SLC9B1: variants seen among roughly 807,000 people sequenced by gnomAD.
SLC9B1 encodes sodium/hydrogen exchanger 9B1.
Under a neutral mutation model 51.7 loss-of-function variants are expected in SLC9B1, and 32 were observed. That is an observed-to-expected ratio of 0.62 (90% CI 0.47 to 0.83). The LOEUF (loss-of-function observed/expected upper bound fraction) is 0.83. Among genes scored for constraint, SLC9B1 ranks in the 40% least tolerant of loss-of-function variants. SLC9B1 has a pLI of 0.00. For missense variants in SLC9B1, 406 were observed against 613.2 expected (o/e 0.66, Z 3.57); for synonymous variants, 145 against 212.7 (o/e 0.68, Z 2.77).
chr4:102,886,540 T>C (rs1733927292), intron 11 of SLC9B1, among the ~76,000 whole-genome samples: 1 of 152,050 alleles, frequency 6.6e-6, no homozygotes, highest in African/African-American at 2.4e-5. Flanking sequence ...GGAAAAAATA[T>C]ACCAAACTGT....
chr4:103,017,777 A>G (rs1223168411), intron 1 of SLC9B1, among the ~76,000 whole-genome samples: 2 of 152,070 alleles, frequency 1.3e-5, no homozygotes, highest in African/African-American at 2.4e-5. Flanking sequence ...TCTATCTTAC[A>G]CTCACTAGAA....
chr4:102,910,477 A>G lies in SLC9B1; in HGVS notation c.1048T>C (p.Leu350=). 6.4e-7 allele frequency: 1 copy of G among 1,562,578 alleles called. No homozygotes were observed. Among genetic ancestry groups the G allele is most frequent in the Non-Finnish European group, 8.6e-7 (1 of 1,160,686 alleles). The change falls in exon 9 of 12, where the codon TTG becomes CTG. Residue 350 remains leucine (L), a synonymous_variant. Transcript: ENST00000296422. ...HGSGGLCTLV[L]SFIAGTKWSQ... ...CATTTTGTCCCTGCAATGAAACTCA[A>G]CACTAGTGTGCATAATCCTCCAGAT...
At chr4:102,939,177 A>C (rs183567978) in intron 6 of SLC9B1, among the ~76,000 whole-genome samples, 3 of 151,808 alleles carry the variant, frequency 2.0e-5, no homozygotes, top group Non-Finnish European at 4.4e-5. Context: ...GATCCAAAAA[A>C]CACAATCAGA....
At chr4:102,971,333 C>T (rs1738750176) in intron 3 of SLC9B1, among the ~76,000 whole-genome samples, 1 of 152,140 alleles carries the variant, frequency 6.6e-6, no homozygotes, top group South Asian at 2.1e-4. Context: ...GAATAAGAAA[C>T]TCACTCAAAA....
At position 102,923,484 on chromosome 4, in the gene SLC9B1, T is replaced by C. The variant is rs191543380; in HGVS notation, c.829+8640A>G. The stretch of plus-strand genomic sequence containing the variant: ...CTGAATGGACAATAACTGGAAGCAT[T>C]CCCTTTGAAAACTGGCACAATACAA... On this transcript the variant is annotated intron_variant, in intron 7 of 11. Coordinates refer to ENST00000296422, the MANE Select transcript of SLC9B1 (RefSeq NM_139173.4). 1.9e-3 allele frequency among the ~76,000 whole-genome samples: 283 copies of C among 152,254 alleles called. 5 individuals are homozygous for C. Among genetic ancestry groups the C allele is most frequent in the African/African-American group, 6.6e-3 (276 of 41,556 alleles).
chr4:103,017,246 T>A (rs979463822), intron 1 of SLC9B1, among the ~76,000 whole-genome samples: 1 of 152,142 alleles, frequency 6.6e-6, no homozygotes, highest in African/African-American at 2.4e-5. Context: ...AACTTGTCAT[T>A]CCTCTTTGGA....
intron 3 of SLC9B1, among the ~76,000 whole-genome samples, chr4:102,984,524 A>G (rs1310661102): frequency 1.3e-5 from 2 of 152,196 alleles, no homozygotes; most frequent in Admixed American, 6.6e-5. Flanking sequence ...TTTTTCTGTT[A>G]CTGATTTTTA....
At chr4:102,960,890 A>T (rs541789833) in intron 3 of SLC9B1, among the ~76,000 whole-genome samples, 44 of 151,664 alleles carry the variant, frequency 2.9e-4, no homozygotes, top group African/African-American at 1.0e-3. Context: ...GCAGCACCAT[A>T]CCCGGCTAAT....
intron 7 of SLC9B1, among the ~76,000 whole-genome samples, chr4:102,919,120 G>T (rs903890719): frequency 3.3e-5 from 5 of 152,176 alleles, no homozygotes; most frequent in Non-Finnish European, 5.9e-5. Context: ...GACGGGAGGG[G>T]CTGTTGTGAA....
At chr4:102,886,892 G>A (rs1463661823) in intron 11 of SLC9B1, among the ~76,000 whole-genome samples, 5 of 152,170 alleles carry the variant, frequency 3.3e-5, no homozygotes, top group African/African-American at 9.7e-5. Context: ...TGGGATTACA[G>A]GCGTAAACTA....
At chr4:102,992,723 G>A (rs758871038) in intron 1 of SLC9B1, among the ~76,000 whole-genome samples, 11 of 152,176 alleles carry the variant, frequency 7.2e-5, no homozygotes, top group Non-Finnish European at 5.9e-5. Context: ...TTTGATTGAA[G>A]TGACTGTCAA....
chr4:102,979,155 G>A (rs1739225036), intron 3 of SLC9B1, among the ~76,000 whole-genome samples: 1 of 152,160 alleles, frequency 6.6e-6, no homozygotes, highest in Non-Finnish European at 1.5e-5. Flanking sequence ...CAAGTTCATT[G>A]ATGTTAGAGA....
At chr4:102,905,113 G>A (rs919808135) in intron 11 of SLC9B1, among the ~76,000 whole-genome samples, 2 of 151,898 alleles carry the variant, frequency 1.3e-5, no homozygotes, top group Non-Finnish European at 2.9e-5. Flanking sequence ...GTGATCATGC[G>A]ACTGCACTCC....
intron 3 of SLC9B1, among the ~76,000 whole-genome samples, chr4:102,968,862 C>T (rs191643120): frequency 1.5e-4 from 23 of 152,296 alleles, no homozygotes; most frequent in Admixed American, 1.2e-3. Flanking sequence ...TCTTAGCAAA[C>T]GGCACACCAG....
chr4:102,927,376 T>A (rs1190004886), intron 7 of SLC9B1, among the ~76,000 whole-genome samples: 1 of 151,652 alleles, frequency 6.6e-6, no homozygotes, highest in African/African-American at 2.4e-5. Context: ...TTCAAACAAA[T>A]TTACAAGAAA....
In SLC9B1 at chr4:102,945,247, G is replaced by A; in HGVS notation, c.599C>T (p.Ala200Val). The A allele has an allele frequency of 1.9e-6, 3 of 1,609,026 alleles. No individual in the cohort carries two copies. Among genetic ancestry groups the A allele is most frequent in the Non-Finnish European group, 2.6e-6 (3 of 1,176,446 alleles). ...TTTCATAATGAAGTGTGAAAAAACAGCAGCTGCACTTGCCTCCATAAGGCA... is the reference window on the plus strand; with the variant it reads ...TTTCATAATGAAGTGTGAAAAAACAACAGCTGCACTTGCCTCCATAAGGCA... ...GPCLMEASAA[A>V]VFSHFIMKFP... Residue 200 changes from alanine (A) to valine (V), a missense_variant, in exon 6 of 12, where the codon GCT becomes GTT. This residue lies in a region of SLC9B1 where 250 missense variants were observed against 394.1 expected (regional missense o/e 0.63). Transcript: ENST00000296422.
At chr4:102,906,758 T>A in intron 9 of SLC9B1, 114 bp from the exon 10 acceptor site, 2 of 662,194 alleles carry the variant, frequency 3.0e-6, no homozygotes, top group South Asian at 3.5e-5. Context: ...AGAGATGGGG[T>A]CTTGCTCTGT....
At chr4:102,977,159 A>G (rs1055073022) in intron 3 of SLC9B1, among the ~76,000 whole-genome samples, 1 of 151,316 alleles carries the variant, frequency 6.6e-6, no homozygotes, top group Admixed American at 6.6e-5. Context: ...CCAAAAAAAG[A>G]AAAAAAAAGA....
At chr4:102,977,386 A>G (rs1739133034) in intron 3 of SLC9B1, among the ~76,000 whole-genome samples, 1 of 152,042 alleles carries the variant, frequency 6.6e-6, no homozygotes, top group African/African-American at 2.4e-5. Flanking sequence ...TTTTGACTAC[A>G]CTGGTGTAAG....
Sources: allele counts gnomAD v4.1 joint callset (sites outside exome capture counted in the v4.1 genomes callset), GRCh38; gene constraint gnomAD v4.1.1; regional missense constraint gnomAD v4.1.1; transcripts MANE v1.5; gene names NCBI Gene and HGNC (gene_info 2026-07-23, HGNC 2026-07-21).